The following DHRSX variants were observed in gnomAD, a reference collection of about 807,000 sequenced individuals.
The protein encoded by DHRSX is dehydrogenase/reductase X-linked.
In DHRSX, 31 loss-of-function variants were observed where a neutral mutation model predicts 34.0. That is an observed-to-expected ratio of 0.91 (90% confidence interval 0.69 to 1.23). The LOEUF (loss-of-function observed/expected upper bound fraction) is 1.23. DHRSX is among the 50% of genes most tolerant of loss of function. The pLI, the probability that DHRSX is intolerant of heterozygous loss-of-function variation, is 0.00. For synonymous variants in DHRSX, 201 were observed against 183.8 expected, an observed-to-expected ratio of 1.09 and a Z score of -0.76; for missense variants, 414 against 428.1, an observed-to-expected ratio of 0.97 and a Z score of 0.29.
intron 3 of DHRSX, among the ~76,000 whole-genome samples, chrX:2,401,551 G>T (rs937545772): frequency 2.0e-5 from 3 of 152,162 alleles, no homozygotes; most frequent in Middle Eastern, 3.2e-3. Context: ...GGATTACAGG[G>T]GTTCCACCAT....
rs1175629861 is a variant in DHRSX at position 2,458,473 on chromosome X, T to C, written c.110-33169A>G. On this transcript the variant is annotated intron_variant, in intron 1 of 6. Coordinates refer to ENST00000334651, the MANE Select transcript of DHRSX (RefSeq NM_145177.3). ...ATAAGTGCATCAAGCGAATGTGGCA[T>C]AGACACACAATGGAATGGTATGCAG... 2.0e-5 allele frequency among the ~76,000 whole-genome samples: 3 copies of C among 152,084 alleles called. 1 individual carries two copies. The highest frequency in any genetic ancestry group is 1.5e-5 in the Non-Finnish European group (1 of 68,008).
At chrX:2,367,841 T>C (rs1211309711) in intron 3 of DHRSX, among the ~76,000 whole-genome samples, 5 of 152,246 alleles carry the variant, frequency 3.3e-5, no homozygotes, top group South Asian at 2.1e-4. Context: ...ATGTGTGAAA[T>C]GTTTTATAAT....
chrX:2,251,106 C>T (rs1294480403), intron 5 of DHRSX, among the ~76,000 whole-genome samples: 1 of 152,170 alleles, frequency 6.6e-6, no homozygotes, highest in Non-Finnish European at 1.5e-5. Flanking sequence ...CAGCCACTGT[C>T]TCATCACGCA....
intron 2 of DHRSX, among the ~76,000 whole-genome samples, chrX:2,420,824 GA>G (rs2043770463): frequency 6.6e-6 from 1 of 152,014 alleles, no homozygotes; most frequent in Non-Finnish European, 1.5e-5. Flanking sequence ...CTGCTTGATG[GA>G]AAGAAAGAGA....
chrX:2,266,482 G>C (rs747115785), intron 5 of DHRSX, among the ~76,000 whole-genome samples: 1 of 129,118 alleles, frequency 7.7e-6, no homozygotes, highest in Admixed American at 7.8e-5. Context: ...ACCAGTGCTC[G>C]GCAGACGCAG....
At chrX:2,254,535 T>C (rs188056751) in intron 5 of DHRSX, among the ~76,000 whole-genome samples, 2 of 152,346 alleles carry the variant, frequency 1.3e-5, no homozygotes, top group East Asian at 3.9e-4. Flanking sequence ...TTACATTCTT[T>C]CTAGGATATC....
At chrX:2,470,697 C>A (rs1272093669) in intron 1 of DHRSX, among the ~76,000 whole-genome samples, 2 of 152,096 alleles carry the variant, frequency 1.3e-5, no homozygotes, top group Non-Finnish European at 2.9e-5. Context: ...TAGGATGAGA[C>A]TGTCTCAAAA....
At chrX:2,347,591 G>C (rs2042736556) in intron 3 of DHRSX, among the ~76,000 whole-genome samples, 1 of 152,186 alleles carries the variant, frequency 6.6e-6, no homozygotes, top group Non-Finnish European at 1.5e-5. Context: ...CTAATTAAAA[G>C]GCTGAGGCAG....
chrX:2,418,799 T>A (rs769717100), intron 2 of DHRSX, among the ~76,000 whole-genome samples: 1 of 152,324 alleles, frequency 6.6e-6, no homozygotes, highest in South Asian at 2.1e-4. Context: ...GTCTGAGATA[T>A]AGAAAGTCCT....
At chrX:2,366,428 G>A (rs1256418888) in intron 3 of DHRSX, among the ~76,000 whole-genome samples, 6 of 150,298 alleles carry the variant, frequency 4.0e-5, no homozygotes, top group African/African-American at 9.8e-5. Context: ...CAACAAGAGC[G>A]AAACTCAGTC....
intron 5 of DHRSX, among the ~76,000 whole-genome samples, chrX:2,250,269 C>T (rs2016406485): frequency 2.0e-5 from 3 of 151,580 alleles, no homozygotes; most frequent in Admixed American, 6.6e-5. Context: ...CAGAGGTGGG[C>T]GGATCACCTG....
At chrX:2,472,856 T>A (rs28635211) in intron 1 of DHRSX, among the ~76,000 whole-genome samples, 8 of 151,798 alleles carry the variant, frequency 5.3e-5, no homozygotes, top group Admixed American at 5.2e-4. Flanking sequence ...AATGTTAGGG[T>A]AGTGTCTTAG....
chrX:2,261,411 G>A (rs1380297479), intron 5 of DHRSX: 1 of 152,034 alleles, frequency 6.6e-6, no homozygotes, highest in African/African-American at 2.4e-5. Context: ...AAAGTCTCTA[G>A]GAAGTAGCTG....
chrX:2,478,150 G>A (rs1199090224), intron 1 of DHRSX, among the ~76,000 whole-genome samples: 5 of 152,168 alleles, frequency 3.3e-5, no homozygotes, highest in African/African-American at 9.6e-5. Context: ...ACGTGTAGGG[G>A]AAGAAGGATG....
rs189194238 is a variant in DHRSX, at chrX:2,469,141, G to A, written c.109+31676C>T. Reference sequence around the variant, plus strand: ...GACGTTCCCTAACAATGCGCCCAAGGGACCACCACCATGTACACACCGAAG... The same window carrying A: ...GACGTTCCCTAACAATGCGCCCAAGAGACCACCACCATGTACACACCGAAG... On this transcript the variant is annotated intron_variant, in intron 1 of 6. Coordinates refer to ENST00000334651, the MANE Select transcript of DHRSX (RefSeq NM_145177.3). 2.1e-3 allele frequency among the ~76,000 whole-genome samples: 312 copies of A among 152,008 alleles called. 1 individual carries two copies. Among genetic ancestry groups the A allele is most frequent in the South Asian group, 0.018 (88 of 4,810 alleles).
intron 1 of DHRSX, among the ~76,000 whole-genome samples, chrX:2,431,523 T>C (rs1264266951): frequency 2.6e-5 from 4 of 152,122 alleles, no homozygotes; most frequent in African/African-American, 9.7e-5. Context: ...CAAATGTTAA[T>C]TCAATTCTTA....
intron 3 of DHRSX, among the ~76,000 whole-genome samples, chrX:2,365,672 A>T (rs2042987127): frequency 6.6e-6 from 1 of 152,150 alleles, no homozygotes; most frequent in African/African-American, 2.4e-5. Flanking sequence ...ACAGGTATGC[A>T]GTCTTTAACC....
At chrX:2,258,227 G>T (rs192560886) in intron 5 of DHRSX, among the ~76,000 whole-genome samples, 1 of 148,718 alleles carries the variant, frequency 6.7e-6, no homozygotes, top group Non-Finnish European at 1.5e-5. Flanking sequence ...AGCCTGAGAT[G>T]GAGTAAGGCA....
chrX:2,402,883 C>CT (rs758977585), intron 3 of DHRSX, among the ~76,000 whole-genome samples: 4,845 of 117,644 alleles, frequency 0.041, 366 homozygotes, highest in South Asian at 0.17. Flanking sequence ...TAATTGGTTT[C>CT]TTTTTTTTTT....
Sources: gnomAD v4.1 joint callset for allele counts (sites outside exome capture counted in the v4.1 genomes callset) on GRCh38, gnomAD v4.1.1 for gene constraint, MANE v1.5 for transcripts, NCBI Gene and HGNC (gene_info 2026-07-23, HGNC 2026-07-21) for gene names.